Variants in PDE4D observed in about 807,000 individuals in gnomAD.
The protein encoded by PDE4D is 3',5'-cyclic-AMP phosphodiesterase 4D.
Under a neutral mutation model 87.4 loss-of-function variants are expected in PDE4D, and 24 were observed. That is an observed-to-expected ratio of 0.27 (90% CI 0.20 to 0.39). The LOEUF is 0.39. Among genes scored for constraint, PDE4D ranks in the 10% least tolerant of loss-of-function variants. PDE4D has a pLI of 1.00. For missense variants in PDE4D, 714 were observed against 1,041.0 expected (o/e 0.69, Z 4.32); for synonymous variants, 384 against 383.2 (o/e 1.00, Z -0.02).
chr5:60,183,439 C>A (rs1454793032), intron 2 of PDE4D, among the ~76,000 whole-genome samples: 1 of 152,114 alleles, frequency 6.6e-6, no homozygotes, highest in East Asian at 1.9e-4. Context: ...CCATCTTATG[C>A]CTGAATTGTT....
At chr5:59,587,390 G>A (rs1393098426) in intron 1 of PDE4D, 1 of 918,766 alleles carries the variant, frequency 1.1e-6, no homozygotes, top group Non-Finnish European at 1.3e-6. Flanking sequence ...TTTCCAATAG[G>A]TGTCATTTAT....
intron 2 of PDE4D, among the ~76,000 whole-genome samples, chr5:60,068,141 A>C (rs1285980929): frequency 6.6e-6 from 1 of 152,150 alleles, no homozygotes; most frequent in Non-Finnish European, 1.5e-5. Flanking sequence ...GAGGAACTTC[A>C]TTTGTTTCCC....
chr5:59,290,305 G>A (rs530024749), intron 1 of PDE4D, among the ~76,000 whole-genome samples: 11 of 152,000 alleles, frequency 7.2e-5, no homozygotes, highest in African/African-American at 1.4e-4. Context: ...CAACAAAGGC[G>A]CCAAGTATAT....
intron 1 of PDE4D, among the ~76,000 whole-genome samples, chr5:59,843,265 C>T (rs1743310078): frequency 6.6e-6 from 1 of 151,856 alleles, no homozygotes; most frequent in Non-Finnish European, 1.5e-5. Context: ...AGCCATCTTG[C>T]CATGAATTAG....
At chr5:59,999,607 A>G (rs1264256542) in intron 2 of PDE4D, among the ~76,000 whole-genome samples, 1 of 151,608 alleles carries the variant, frequency 6.6e-6, no homozygotes, top group East Asian at 1.9e-4. Flanking sequence ...CTTCCCCTGT[A>G]TGAAGCCAAT....
At chr5:59,907,238 G>A (rs1385606901) in intron 3 of PDE4D, among the ~76,000 whole-genome samples, 1 of 151,886 alleles carries the variant, frequency 6.6e-6, no homozygotes, top group Non-Finnish European at 1.5e-5. Context: ...ATCTCATTGT[G>A]GTTTTGATTT....
At chr5:60,428,423 A>C (rs1743908153) in intron 1 of PDE4D, among the ~76,000 whole-genome samples, 1 of 152,098 alleles carries the variant, frequency 6.6e-6, no homozygotes, top group African/African-American at 2.4e-5. Context: ...AAAGTTTGAT[A>C]CCTGGTGTTT....
chr5:59,856,347 GGA>G (rs1247415284), intron 1 of PDE4D, among the ~76,000 whole-genome samples: 1 of 152,034 alleles, frequency 6.6e-6, no homozygotes, highest in Non-Finnish European at 1.5e-5. Flanking sequence ...TCATTTTAGT[GGA>G]AAAGAAAGTC....
chr5:59,836,752 A>G (rs1460508403), intron 1 of PDE4D, among the ~76,000 whole-genome samples: 2 of 152,014 alleles, frequency 1.3e-5, no homozygotes, highest in Non-Finnish European at 2.9e-5. Flanking sequence ...GCAAAAGGAG[A>G]TAGAGATAGA....
intron 5 of PDE4D, among the ~76,000 whole-genome samples, chr5:59,160,406 T>C (rs375199394): frequency 6.6e-6 from 1 of 152,182 alleles, no homozygotes; most frequent in South Asian, 2.1e-4. Flanking sequence ...CAACCTTTAT[T>C]ACATCTTATG....
intron 2 of PDE4D, among the ~76,000 whole-genome samples, chr5:60,179,171 G>A (rs1301664534): frequency 6.6e-6 from 1 of 152,110 alleles, no homozygotes; most frequent in Non-Finnish European, 1.5e-5. Context: ...CTACCCCCAT[G>A]TGTGTGGCGT....
chr5:60,017,242 CT>C (rs1163434455), intron 2 of PDE4D, among the ~76,000 whole-genome samples: 1 of 152,128 alleles, frequency 6.6e-6, no homozygotes, highest in Non-Finnish European at 1.5e-5. Flanking sequence ...GTAATACAGG[CT>C]TTGTTGTTCC....
chr5:60,199,232 T>C (rs1741624405), intron 1 of PDE4D, among the ~76,000 whole-genome samples: 1 of 151,640 alleles, frequency 6.6e-6, no homozygotes, highest in Non-Finnish European at 1.5e-5. Context: ...ATTCAAAGGC[T>C]CTGAATATAG....
In PDE4D at chr5:59,948,022, C is replaced by T. The variant is rs189958616; in HGVS notation, c.272+40466G>A. On this transcript the variant is annotated intron_variant, in intron 3 of 16. Coordinates refer to the PDE4D transcript ENST00000502484. Reference sequence around the variant, plus strand: ...ACTCTGTCTCAAAAAAAGAGTAGCTCCAAAGGCAATCAAGGTAGTAATTTG... The same window carrying T: ...ACTCTGTCTCAAAAAAAGAGTAGCTTCAAAGGCAATCAAGGTAGTAATTTG... Among the ~76,000 whole-genome samples, 317 of 152,224 alleles carry T rather than the reference C, an allele frequency of 2.1e-3. 5 individuals carry two copies. The highest frequency in any genetic ancestry group is 5.8e-4 in the East Asian group (3 of 5,182).
intron 1 of PDE4D, among the ~76,000 whole-genome samples, chr5:60,383,228 A>T (rs2095827146): frequency 6.6e-6 from 1 of 152,202 alleles, no homozygotes; most frequent in African/African-American, 2.4e-5. Context: ...AAAGGTATGA[A>T]AAAACAGGGC....
chr5:60,122,831 A>G (rs374604854), intron 2 of PDE4D, among the ~76,000 whole-genome samples: 6 of 152,322 alleles, frequency 3.9e-5, no homozygotes, highest in South Asian at 2.1e-4. Context: ...TCAGGCTACA[A>G]AATTTTTTAA....
chr5:59,900,459 C>T (rs2152762067), intron 3 of PDE4D, among the ~76,000 whole-genome samples: 1 of 152,168 alleles, frequency 6.6e-6, no homozygotes, highest in East Asian at 1.9e-4. Context: ...AAAAACTGCA[C>T]TTCCATATCT....
At chr5:59,631,904 C>A (rs1322051919) in intron 1 of PDE4D, among the ~76,000 whole-genome samples, 1 of 152,122 alleles carries the variant, frequency 6.6e-6, no homozygotes, top group East Asian at 1.9e-4. Flanking sequence ...GCCATTCAAT[C>A]CCCTGGAAGG....
chr5:60,426,094 T>C (rs1743688017), intron 1 of PDE4D, among the ~76,000 whole-genome samples: 1 of 152,158 alleles, frequency 6.6e-6, no homozygotes, highest in South Asian at 2.1e-4. Context: ...GGAGTGTAAA[T>C]TAGTTCAACC....
Sources: gnomAD v4.1 joint callset for allele counts (sites outside exome capture counted in the v4.1 genomes callset) on GRCh38, gnomAD v4.1.1 for gene constraint, MANE v1.5 for transcripts, NCBI Gene and HGNC (gene_info 2026-07-23, HGNC 2026-07-21) for gene names.